The following GPRC5A variants were observed in gnomAD, a reference collection of about 807,000 sequenced individuals.
GPRC5A encodes the protein G protein-coupled receptor class C group 5 member A.
In GPRC5A, 19 loss-of-function variants were observed where a neutral mutation model predicts 22.5. The observed-to-expected ratio is 0.85, with a 90% CI of 0.59 to 1.24. The LOEUF is 1.24. GPRC5A is among the 50% of genes most tolerant of loss of function. The pLI is 0.00. For synonymous variants in GPRC5A, 192 were observed against 184.5 expected (o/e 1.04, Z -0.33); for missense variants, 471 against 451.1 (o/e 1.04, Z -0.40).
At position 12,908,886 on chromosome 12, in the gene GPRC5A, A is replaced by G. The variant is rs770295906; in HGVS notation, c.637A>G (p.Ile213Val). The part of the protein sequence containing the change: ...FTGWKRHGAH[I>V]YLTMLLSIAI... ...GGGCTGGAAGAGACATGGGGCCCAC[A>G]TCTACCTCACGATGCTCCTCTCCAT... The change falls in exon 2 of 4, where the codon ATC becomes GTC. Residue 213 changes from isoleucine to valine, a missense_variant. Ile to Val is a conservative substitution (Grantham distance 29, BLOSUM62 3). Coordinates refer to ENST00000014914, the MANE Select transcript of GPRC5A (RefSeq NM_003979.4). The G allele has an allele frequency of 6.8e-6, 11 of 1,613,854 alleles. No homozygotes were observed. Among genetic ancestry groups the G allele is most frequent in the Non-Finnish European group, 8.5e-6 (10 of 1,180,000 alleles).
intron 1 of GPRC5A, among the ~76,000 whole-genome samples, chr12:12,893,752 T>C (rs776393566): frequency 2.0e-5 from 3 of 152,128 alleles, no homozygotes; most frequent in Non-Finnish European, 4.4e-5. Flanking sequence ...TTGTTTTGTT[T>C]TGTTTTTGTT....
chr12:12,904,363 G>C (rs1267582748), intron 1 of GPRC5A, among the ~76,000 whole-genome samples: 1 of 152,178 alleles, frequency 6.6e-6, no homozygotes, highest in African/African-American at 2.4e-5. Flanking sequence ...GCCCTGTAGA[G>C]GTATAGCCCA....
At position 12,914,506 on chromosome 12, in the gene GPRC5A, T is replaced by C. The variant is rs1455703586; in HGVS notation, c.*1967T>C. On this transcript the variant is annotated 3_prime_UTR_variant, in exon 4 of 4. Coordinates refer to ENST00000014914, the MANE Select transcript of GPRC5A (RefSeq NM_003979.4). Reference sequence around the variant, plus strand: ...GGCTAGGGACTCAAGAAATGCATATTCCCCCCCCACTTTCTTTCTCTCTTT... The same window carrying C: ...GGCTAGGGACTCAAGAAATGCATATCCCCCCCCCACTTTCTTTCTCTCTTT... 2 of 151,224 alleles carry C rather than the reference T, an allele frequency of 1.3e-5. No homozygotes were observed. Among genetic ancestry groups the C allele is most frequent in the African/African-American group, 2.4e-5 (1 of 41,174 alleles). The allele number at this position is 151,224 out of a possible 1,614,324, so 9.4% of individuals were successfully genotyped here. A position where few individuals can be genotyped will look rare whatever the true frequency, so the allele number is the denominator to read the frequency against.
chr12:12,908,400 A>C lies in GPRC5A; in HGVS notation c.151A>C (p.Ile51Leu). The C allele has an allele frequency of 6.2e-7, 1 of 1,614,056 alleles. No homozygotes were observed. Among genetic ancestry groups the C allele is most frequent in the African/African-American group, 1.3e-5 (1 of 75,002 alleles). The change falls in exon 2 of 4, where the codon ATC becomes CTC. Residue 51 changes from isoleucine (I) to leucine (L), a missense_variant. Ile to Leu is a conservative substitution (Grantham distance 5). Coordinates refer to ENST00000014914, the MANE Select transcript of GPRC5A (RefSeq NM_003979.4). ...GGTGGCCTTCATGCTCACTCTCCCG[A>C]TCCTCGTCTGCAAGGTGCAGGACTC... ...TSVAFMLTLP[I>L]LVCKVQDSNR...
intron 1 of GPRC5A, among the ~76,000 whole-genome samples, chr12:12,903,012 CG>C (rs1863905793): frequency 1.3e-5 from 2 of 151,926 alleles, no homozygotes; most frequent in Non-Finnish European, 2.9e-5. Context: ...GGTTGCCGGG[CG>C]CCGATATCGC....
rs1332518220 is a variant in GPRC5A, at chr12:12,916,972, C to A, written c.*4433C>A. ...AGGGTCTGCAGGTTTGCCACCGTCCCGGCCCCAGTCTGAAACATGGGATTA... is the reference window on the plus strand; with the variant it reads ...AGGGTCTGCAGGTTTGCCACCGTCCAGGCCCCAGTCTGAAACATGGGATTA... On this transcript the variant is annotated 3_prime_UTR_variant, in exon 4 of 4. Coordinates refer to ENST00000014914, the MANE Select transcript of GPRC5A (RefSeq NM_003979.4). The A allele has an allele frequency of 2.0e-5, 3 of 152,200 alleles. No homozygotes were observed. The highest frequency in any genetic ancestry group is 4.4e-5 in the Non-Finnish European group (3 of 68,114). The allele number at this position is 152,200 out of a possible 1,614,324, so 9.4% of individuals were successfully genotyped here. A position where few individuals can be genotyped will look rare whatever the true frequency, so the allele number is the denominator to read the frequency against.
rs1755523040 is a variant in GPRC5A at position 12,914,528 on chromosome 12, C to T, written c.*1989C>T. On this transcript the variant is annotated 3_prime_UTR_variant, in exon 4 of 4. Transcript: ENST00000014914. ...TATTCCCCCCCCACTTTCTTTCTCT[C>T]TTTCCTTCCTTCCTTCCTTTCTTCT... The T allele has an allele frequency of 6.9e-6, 1 of 144,236 alleles. No homozygotes were observed. Among genetic ancestry groups the T allele is most frequent in the African/African-American group, 2.5e-5 (1 of 39,538 alleles). 8.9% of individuals were successfully genotyped at this position (144,236 alleles called of 1,614,324 possible).
chr12:12,914,514 C>G lies in GPRC5A; in HGVS notation c.*1975C>G, dbSNP rs113165777. The G allele has an allele frequency of 1.3e-5, 2 of 150,960 alleles. No individual in the cohort carries two copies. The highest frequency in any genetic ancestry group is 3.0e-5 in the Non-Finnish European group (2 of 67,658). The allele number at this position is 150,960 out of a possible 1,614,324, so 9.4% of individuals were successfully genotyped here. A position where few individuals can be genotyped will look rare whatever the true frequency, so the allele number is the denominator to read the frequency against. On this transcript the variant is annotated 3_prime_UTR_variant, in exon 4 of 4. Transcript: ENST00000014914. ...ACTCAAGAAATGCATATTCCCCCCC[C>G]ACTTTCTTTCTCTCTTTCCTTCCTT...
At chr12:12,912,037 T>C (rs1045415691) in intron 2 of GPRC5A, 47 bp from the exon 3 acceptor site, 2 of 1,318,480 alleles carry the variant, frequency 1.5e-6, no homozygotes, top group Admixed American at 1.7e-5. Context: ...GGGGTGAACA[T>C]AGGTGGGGGC....
rs1863988131 is a variant in GPRC5A at position 12,910,133 on chromosome 12, G to A, written c.922+962G>A. ...CCTTTAAGTCTAATCACAGGGGGTG[G>A]GTGGTTTTGGGATAGGAATGAGGAA... On this transcript the variant is annotated intron_variant, in intron 2 of 3. Transcript: ENST00000014914. 2.0e-5 allele frequency among the ~76,000 whole-genome samples: 3 copies of A among 152,078 alleles called. No individual in the cohort carries two copies. In the South Asian group the frequency reaches 6.2e-4, roughly 32 times the overall value.
chr12:12,908,860 C>T lies in GPRC5A; in HGVS notation c.611C>T (p.Thr204Met), dbSNP rs777938024. The T allele has an allele frequency of 1.7e-5, 27 of 1,614,030 alleles. No individual in the cohort carries two copies. Among genetic ancestry groups the T allele is most frequent in the African/African-American group, 1.1e-4 (8 of 74,940 alleles). The change falls in exon 2 of 4, where the codon ACG (threonine) becomes ATG (methionine). Residue 204 changes from threonine to methionine, a missense_variant. Physicochemically the swap from Thr to Met is moderately conservative, Grantham distance 81. Transcript: ENST00000014914. ...MSSFTFCGSF[T>M]GWKRHGAHIY... Reference sequence around the variant, plus strand: ...TCCTTCACCTTCTGTGGTTCCTTCACGGGCTGGAAGAGACATGGGGCCCAC... The same window carrying T: ...TCCTTCACCTTCTGTGGTTCCTTCATGGGCTGGAAGAGACATGGGGCCCAC...
intron 1 of GPRC5A, among the ~76,000 whole-genome samples, chr12:12,897,227 T>TA (rs5796515): frequency 0.47 from 41,027 of 88,192 alleles, 10,878 homozygotes; most frequent in Non-Finnish European, 0.55. Flanking sequence ...GACCCTGTCT[T>TA]AAAAAAAAAA....
chr12:12,898,536 GA>G lies in GPRC5A; in HGVS notation c.-8+6883del, dbSNP rs1016271986. Among the ~76,000 whole-genome samples the G allele has an allele frequency of 1.3e-3, 182 of 137,030 alleles. 1 individual carries two copies. The highest frequency in any genetic ancestry group is 7.3e-3 in the Middle Eastern group (2 of 274). The allele number at this position is 137,030 out of a possible 152,430, so 89.9% of individuals were successfully genotyped here. A position where few individuals can be genotyped will look rare whatever the true frequency, so the allele number is the denominator to read the frequency against. ...GCGACAGAGAGACTTTGTCTCAAAA[GA>G]AAAAAAAAAAGAAAAAAGAAAGGAA... On this transcript the variant is annotated intron_variant, in intron 1 of 3. Coordinates refer to ENST00000014914, the MANE Select transcript of GPRC5A (RefSeq NM_003979.4).
At position 12,909,006 on chromosome 12, in the gene GPRC5A, G is replaced by A. The variant is rs778312043; in HGVS notation, c.757G>A (p.Gly253Ser). The part of the protein sequence containing the change: ...TILSSALAAN[G>S]WVFLLAYVSP... Reference sequence around the variant, plus strand: ...CCTCAGCTCCGCCTTGGCTGCCAATGGCTGGGTGTTCCTGTTGGCTTATGT... The same window carrying A: ...CCTCAGCTCCGCCTTGGCTGCCAATAGCTGGGTGTTCCTGTTGGCTTATGT... The change falls in exon 2 of 4, where the codon GGC (glycine) becomes AGC (serine). Residue 253 changes from glycine to serine, a missense_variant. By Grantham distance (56) the Gly-to-Ser change is moderately conservative. Transcript: ENST00000014914. 6.2e-7 allele frequency: 1 copy of A among 1,614,064 alleles called. No homozygotes were observed. The highest frequency in any genetic ancestry group is 2.2e-5 in the East Asian group (1 of 44,884).
chr12:12,905,754 G>T (rs1863935385), intron 1 of GPRC5A, among the ~76,000 whole-genome samples: 1 of 152,184 alleles, frequency 6.6e-6, no homozygotes, highest in East Asian at 1.9e-4. Flanking sequence ...TCAAGGAGCT[G>T]GGTCTAAAAT....
chr12:12,899,982 T>C (rs1863864513), intron 1 of GPRC5A, among the ~76,000 whole-genome samples: 1 of 152,198 alleles, frequency 6.6e-6, no homozygotes, highest in Non-Finnish European at 1.5e-5. Flanking sequence ...CAAGCAACTC[T>C]ACACACTTTC....
chr12:12,893,194 G>A (rs1863782295), intron 1 of GPRC5A, among the ~76,000 whole-genome samples: 1 of 152,234 alleles, frequency 6.6e-6, no homozygotes. Flanking sequence ...GTTCCTCATA[G>A]GGGTCTTGGG....
In GPRC5A at chr12:12,916,024, A is replaced by AT; in HGVS notation, c.*3492dup. 1 of 269,934 alleles carries AT rather than the reference A, an allele frequency of 3.7e-6. No homozygotes were observed. The highest frequency in any genetic ancestry group is 8.2e-6 in the Non-Finnish European group (1 of 121,526). The allele number at this position is 269,934 out of a possible 1,614,324, so 16.7% of individuals were successfully genotyped here. A position where few individuals can be genotyped will look rare whatever the true frequency, so the allele number is the denominator to read the frequency against. On this transcript the variant is annotated 3_prime_UTR_variant, in exon 4 of 4. Transcript: ENST00000014914. ...AAATAAGCTATTTTTAAAAGTTATT[A>AT]TTTTTTTACTCTTTCTTTTCTTTGG...
rs542400045 is a variant in GPRC5A, at chr12:12,914,002, C to T, written c.*1463C>T. 1 of 152,288 alleles carries T rather than the reference C, an allele frequency of 6.6e-6. No individual in the cohort carries two copies. The highest frequency in any genetic ancestry group is 2.4e-5 in the African/African-American group (1 of 41,536). The allele number at this position is 152,288 out of a possible 1,614,324, so 9.4% of individuals were successfully genotyped here. A position where few individuals can be genotyped will look rare whatever the true frequency, so the allele number is the denominator to read the frequency against. ...TGTGGGAGAGGACAAATCCAGATCC[C>T]CTGTTTGACAGAATTAGTTCACAAA... On this transcript the variant is annotated 3_prime_UTR_variant, in exon 4 of 4. Coordinates refer to ENST00000014914, the MANE Select transcript of GPRC5A (RefSeq NM_003979.4).
Sources: gnomAD v4.1 joint callset for allele counts (sites outside exome capture counted in the v4.1 genomes callset) on GRCh38, gnomAD v4.1.1 for gene constraint, MANE v1.5 for transcripts, NCBI Gene and HGNC (gene_info 2026-07-23, HGNC 2026-07-21) for gene names.